The following MXRA5 variants were observed in gnomAD, a reference collection of about 807,000 sequenced individuals.
MXRA5 encodes the protein matrix-remodeling-associated protein 5.
A neutral mutation model predicts 112.5 loss-of-function variants in MXRA5; 41 were observed. That is an observed-to-expected ratio of 0.36 (90% CI 0.28 to 0.47). The LOEUF (loss-of-function observed/expected upper bound fraction) is 0.47, where lower values mean the gene tolerates loss of function less well. MXRA5 is among the 20% of genes least tolerant of loss of function. MXRA5 has a pLI of 0.99. For synonymous variants in MXRA5, 862 were observed against 900.8 expected (o/e 0.96, Z 0.77); for missense variants, 2,150 against 2,251.0 (o/e 0.96, Z 0.91).
Position 3,320,174 on chromosome X carries a change from A to G in MXRA5, c.5511T>C (p.Phe1837=). ...GSFHQSSSKF[F]AGGPPASKFW... Reference sequence around the variant, plus strand: ...ATTTGGATGCAGGAGGTCCTCCTGCAAAGAACTTTGAGCTGCTCTGGTGGA... The same window carrying G: ...ATTTGGATGCAGGAGGTCCTCCTGCGAAGAACTTTGAGCTGCTCTGGTGGA... The change falls in exon 5 of 7, where the codon TTT becomes TTC. Residue 1837 remains phenylalanine (F), a synonymous_variant. Coordinates refer to ENST00000217939, the MANE Select transcript of MXRA5 (RefSeq NM_015419.4). 1 of 1,211,353 alleles carries G rather than the reference A, an allele frequency of 8.3e-7. No individual in the cohort carries two copies. Among genetic ancestry groups the G allele is most frequent in the East Asian group, 3.0e-5 (1 of 33,816 alleles).
intron 1 of MXRA5, among the ~76,000 whole-genome samples, chrX:3,345,238 G>T (rs896747262): frequency 8.8e-6 from 1 of 113,052 alleles, no homozygotes; most frequent in Admixed American, 9.3e-5. Context: ...ATTCTCTTAA[G>T]CCCGGGGGCG....
intron 2 of MXRA5, among the ~76,000 whole-genome samples, chrX:3,343,104 T>C (rs975056090): frequency 1.8e-5 from 2 of 112,473 alleles, no homozygotes; most frequent in African/African-American, 6.5e-5. Flanking sequence ...ACCAGTATAT[T>C]AAAAGTCTGT....
chrX:3,330,317 T>C lies in MXRA5; in HGVS notation c.410A>G (p.Asn137Ser). The C allele has an allele frequency of 8.3e-7, 1 of 1,211,010 alleles. No individual in the cohort carries two copies. The highest frequency in any genetic ancestry group is 1.1e-6 in the Non-Finnish European group (1 of 895,170). ...SNLMRLHIDH[N>S]KIEFIHPQAF... ...TTGAGGGTGGATAAACTCGATCTTG[T>C]TGTGGTCAATGTGCAGCCTCATTAA... Residue 137 changes from asparagine (N) to serine (S), a missense_variant, in exon 4 of 7, where the codon AAC (asparagine) becomes AGC (serine). Transcript: ENST00000217939.
At chrX:3,333,302 C>CAAAAAAAAAAAAAAAAAAAAAAAAA (rs386416494) in intron 2 of MXRA5, among the ~76,000 whole-genome samples, 1 of 14,809 alleles carries the variant, frequency 6.8e-5, no homozygotes, top group Non-Finnish European at 1.0e-4. Context: ...TACCCCATAT[C>CAAAAAAAAAAAAAAAAAAAAAAAAA]AAAAAAAAAA....
chrX:3,310,187 C>A lies in MXRA5; in HGVS notation c.8016G>T (p.Thr2672=), dbSNP rs1219617468. The A allele has an allele frequency of 8.3e-7, 1 of 1,211,580 alleles. No homozygotes were observed. Among genetic ancestry groups the A allele is most frequent in the South Asian group, 1.8e-5 (1 of 56,921 alleles). Residue 2672 remains threonine, a synonymous_variant, in exon 7 of 7, where the codon ACG becomes ACT. Transcript: ENST00000217939. ...CCTCCAGATGCATGCCATTGGGGAG[C>A]GTCCAGGAGAAACGTCCCTGCCCAG... ...PGAGQGRFSW[T]LPNGMHLEGP...
rs369726077 is a variant in MXRA5, at chrX:3,324,357, C to T, written c.1328G>A (p.Arg443Gln). ...MQPSIDIQLN[R>Q]RQSTAKKVLL... ...CACCTTCTTGGCCGTACTCTGACGT[C>T]GGTTCAGCTGGATATCTATGGATGG... is the stretch of plus-strand genomic sequence containing the variant. The change falls in exon 5 of 7, where the codon CGA (arginine) becomes CAA (glutamine). Residue 443 changes from arginine to glutamine, a missense_variant. By Grantham distance (43) the Arg-to-Gln change is conservative (BLOSUM62 1). Transcript: ENST00000217939. 3.6e-5 allele frequency: 43 copies of T among 1,209,320 alleles called. No individual in the cohort carries two copies. The highest frequency in any genetic ancestry group is 2.1e-4 in the African/African-American group (12 of 56,985).
Position 3,346,630 on chromosome X carries a change from G to A in MXRA5, c.-144C>T. 1 of 685,796 alleles carries A rather than the reference G, an allele frequency of 1.5e-6. No individual in the cohort carries two copies. Among genetic ancestry groups the A allele is most frequent in the Non-Finnish European group, 1.7e-6 (1 of 576,257 alleles). 56.5% of individuals were successfully genotyped at this position (685,796 alleles called of 1,213,427 possible). A position where few individuals can be genotyped will look rare whatever the true frequency, so the allele number is the denominator to read the frequency against. On this transcript the variant is annotated 5_prime_UTR_variant, in exon 1 of 7. Coordinates refer to ENST00000217939, the MANE Select transcript of MXRA5 (RefSeq NM_015419.4). ...GGCCATGCCCTTCCCGGGGCCGGGGGTGAGGCAGCTCGGCTTCCCAGCGCG... is the reference window on the plus strand; with the variant it reads ...GGCCATGCCCTTCCCGGGGCCGGGGATGAGGCAGCTCGGCTTCCCAGCGCG...
rs1277804455 is a variant in MXRA5, at chrX:3,330,388, G to A, written c.339C>T (p.Asn113=). Residue 113 remains asparagine, a synonymous_variant, in exon 4 of 7, where the codon AAC becomes AAT. Coordinates refer to ENST00000217939, the MANE Select transcript of MXRA5 (RefSeq NM_015419.4). ...SSLQVFKFSY[N]KLRVITGQTL... is the part of the protein sequence containing the mutation. Reference sequence around the variant, plus strand: ...TCTGTCCTGTGATCACTCTCAGCTTGTTGTAGCTGAACTTGAAAACCTGCA... The same window carrying A: ...TCTGTCCTGTGATCACTCTCAGCTTATTGTAGCTGAACTTGAAAACCTGCA... 1 of 1,193,755 alleles carries A rather than the reference G, an allele frequency of 8.4e-7. No homozygotes were observed. Among genetic ancestry groups the A allele is most frequent in the African/African-American group, 1.8e-5 (1 of 56,180 alleles).
intron 6 of MXRA5, among the ~76,000 whole-genome samples, chrX:3,315,391 T>TA (rs1555943433): frequency 0.036 from 2,029 of 56,673 alleles, 264 homozygotes; most frequent in African/African-American, 0.15. Context: ...GATAGATAGA[T>TA]GATAGATAGA....
chrX:3,317,271 A>G lies in MXRA5; in HGVS notation c.6410T>C (p.Leu2137Pro). ...LVGSARRTVQ[L>P]NVQRAAANAR... ...GTTGGCTGCTGCACGCTGCACGTTC[A>G]GCTGCACCGTCCTGCGCGCGGAGCC... The change falls in exon 6 of 7, where the codon CTG (leucine) becomes CCG (proline). Residue 2137 changes from leucine (L) to proline (P), a missense_variant. By Grantham distance (98) the Leu-to-Pro change is moderately conservative. Transcript: ENST00000217939. The G allele has an allele frequency of 1.7e-6, 2 of 1,209,323 alleles. No homozygotes were observed. The highest frequency in any genetic ancestry group is 1.8e-5 in the South Asian group (1 of 56,596).
At chrX:3,341,761 C>T (rs1335932171) in intron 2 of MXRA5, among the ~76,000 whole-genome samples, 1 of 96,890 alleles carries the variant, frequency 1.0e-5, no homozygotes, top group Non-Finnish European at 2.0e-5. Flanking sequence ...CAAGGCCTGG[C>T]TGATGGTACC....
chrX:3,336,250 C>T (rs1921782768), intron 2 of MXRA5, among the ~76,000 whole-genome samples: 1 of 111,505 alleles, frequency 9.0e-6, no homozygotes. Flanking sequence ...AAGCTCAGGG[C>T]TCCCACTGAT....
At position 3,343,720 on chromosome X, in the gene MXRA5, C is replaced by G. The variant is rs771714744; in HGVS notation, c.114G>C (p.Glu38Asp). 8.3e-7 allele frequency: 1 copy of G among 1,211,686 alleles called. No homozygotes were observed. Among genetic ancestry groups the G allele is most frequent in the East Asian group, 3.0e-5 (1 of 33,850 alleles). The change falls in exon 2 of 7, where the codon GAG (glutamate) becomes GAC (aspartate). Residue 38 changes from glutamate to aspartate, a missense_variant. By Grantham distance (45) the Glu-to-Asp change is conservative. Around this residue, in one of 6 missense-constraint regions of MXRA5, gnomAD observed 386 missense variants for 411.0 expected, o/e 0.94. Transcript: ENST00000217939. The stretch of plus-strand genomic sequence containing the variant: ...CCAGGGATCGGAACGTGCAGTGGAC[C>G]TCGCTGGGGACGTAGCAGGCACAAG... ...PHPCACYVPS[E>D]VHCTFRSLAS...
At chrX:3,345,633 C>A (rs1489462140) in intron 1 of MXRA5, among the ~76,000 whole-genome samples, 1 of 113,012 alleles carries the variant, frequency 8.8e-6, no homozygotes, top group Non-Finnish European at 1.9e-5. Flanking sequence ...GTCTCTCCGC[C>A]GCGGAGAAAG....
intron 4 of MXRA5, among the ~76,000 whole-genome samples, chrX:3,327,508 A>T (rs1199803864): frequency 8.9e-6 from 1 of 112,445 alleles, no homozygotes; most frequent in East Asian, 2.8e-4. Flanking sequence ...GAATCACTGC[A>T]CTTTTAGAAA....
intron 2 of MXRA5, among the ~76,000 whole-genome samples, chrX:3,331,730 G>A (rs186692974): frequency 9.0e-6 from 1 of 111,428 alleles, no homozygotes; most frequent in African/African-American, 3.3e-5. Flanking sequence ...TTAAATTTTT[G>A]GTTTTTTGTT....
chrX:3,341,071 A>C (rs1230249552), intron 2 of MXRA5, among the ~76,000 whole-genome samples: 18 of 71,201 alleles, frequency 2.5e-4, no homozygotes, highest in Non-Finnish European at 4.2e-4. Flanking sequence ...ATATTATATA[A>C]TATATTATAT....
intron 1 of MXRA5, among the ~76,000 whole-genome samples, chrX:3,346,311 C>G (rs1238875738): frequency 8.9e-6 from 1 of 112,248 alleles, no homozygotes; most frequent in African/African-American, 3.2e-5. Context: ...GGCTCTCCTC[C>G]CTATCTGATC....
rs200992239 is a variant in MXRA5, at chrX:3,310,932, G to A, written c.7271C>T (p.Ala2424Val). The change falls in exon 7 of 7, where the codon GCG (alanine) becomes GTG (valine). Residue 2424 changes from alanine (A) to valine (V), a missense_variant. This residue lies in a region of MXRA5 where 1,485 missense variants were observed against 1,471.6 expected (regional missense o/e 1.01). Coordinates refer to ENST00000217939, the MANE Select transcript of MXRA5 (RefSeq NM_015419.4). ...GNYTCLVRNS[A>V]GEDRKTVWIH... is the part of the protein sequence containing the mutation. ...CCACACCGTCTTCCTATCCTCTCCC[G>A]CGCTGTTCCTGACCAAGCAGGTGTA... 9.9e-6 allele frequency: 12 copies of A among 1,209,556 alleles called. No homozygotes were observed. Among genetic ancestry groups the A allele is most frequent in the South Asian group, 3.5e-5 (2 of 56,761 alleles).
Sources: gnomAD v4.1 joint callset for allele counts (sites outside exome capture counted in the v4.1 genomes callset) on GRCh38, gnomAD v4.1.1 for gene constraint, gnomAD v4.1.1 regional missense constraint, MANE v1.5 for transcripts, NCBI Gene and HGNC (gene_info 2026-07-23, HGNC 2026-07-21) for gene names.